The following SNTB1 variants were observed in gnomAD, a reference collection of about 807,000 sequenced individuals.
The protein encoded by SNTB1 is syntrophin beta 1.
In SNTB1, 36 loss-of-function variants were observed where a neutral mutation model predicts 48.9. That is an observed-to-expected ratio of 0.74 (90% CI 0.56 to 0.97). The LOEUF is 0.97. Among genes scored for constraint, SNTB1 ranks in the 50% least tolerant of loss-of-function variants. The pLI is 0.00. For synonymous variants in SNTB1, 299 were observed against 294.6 expected (o/e 1.01, Z -0.15); for missense variants, 786 against 703.4 (o/e 1.12, Z -1.33).
intron 3 of SNTB1, among the ~76,000 whole-genome samples, chr8:120,590,763 C>A (rs1347183959): frequency 1.3e-5 from 2 of 150,784 alleles, no homozygotes; most frequent in Middle Eastern, 3.2e-3. Context: ...TCACTGCAAC[C>A]TCCACCTCCT....
chr8:120,715,053 C>T (rs1318939828), intron 1 of SNTB1, among the ~76,000 whole-genome samples: 2 of 152,178 alleles, frequency 1.3e-5, no homozygotes, highest in African/African-American at 2.4e-5. Flanking sequence ...CCATCACAGT[C>T]GAATTCCCTT....
chr8:120,725,692 A>C (rs1301701949), intron 1 of SNTB1, among the ~76,000 whole-genome samples: 1 of 152,192 alleles, frequency 6.6e-6, no homozygotes, highest in African/African-American at 2.4e-5. Context: ...ACAACAGAGA[A>C]AGGACAGATT....
intron 1 of SNTB1, among the ~76,000 whole-genome samples, chr8:120,706,445 C>T (rs1026504409): frequency 6.6e-6 from 1 of 152,102 alleles, no homozygotes; most frequent in African/African-American, 2.4e-5. Context: ...ATTCAATACA[C>T]ACGAAAAGTA....
intron 2 of SNTB1, chr8:120,635,635 C>G (rs4614032): frequency 0.43 from 75,061 of 175,234 alleles, 17,499 homozygotes; most frequent in Middle Eastern, 0.55. Context: ...GCTTGTCTTG[C>G]TAGTTTCATC....
At chr8:120,565,030 A>G (rs550608002) in intron 4 of SNTB1, among the ~76,000 whole-genome samples, 11 of 152,276 alleles carry the variant, frequency 7.2e-5, no homozygotes, top group Admixed American at 3.9e-4. Context: ...AGCAAATCCA[A>G]TGGTCTTCCA....
chr8:120,702,845 G>A (rs913487566), intron 1 of SNTB1, among the ~76,000 whole-genome samples: 3 of 152,126 alleles, frequency 2.0e-5, no homozygotes, highest in Non-Finnish European at 4.4e-5. Flanking sequence ...ATGTAAGCTT[G>A]GGAAAATTTC....
intron 1 of SNTB1, among the ~76,000 whole-genome samples, chr8:120,772,023 C>G (rs1461532387): frequency 1.3e-5 from 2 of 152,088 alleles, no homozygotes; most frequent in Non-Finnish European, 2.9e-5. Context: ...GCATGTGCCA[C>G]CACACCCGGC....
chr8:120,748,175 C>T (rs1819157503), intron 1 of SNTB1, among the ~76,000 whole-genome samples: 1 of 152,174 alleles, frequency 6.6e-6, no homozygotes, highest in African/African-American at 2.4e-5. Context: ...TGACTCTACT[C>T]AAATAAGCTC....
At chr8:120,684,655 ATTT>A (rs1554652904) in intron 2 of SNTB1, among the ~76,000 whole-genome samples, 3 of 141,692 alleles carry the variant, frequency 2.1e-5, no homozygotes, top group African/African-American at 7.9e-5. Context: ...CAAAAATTGA[ATTT>A]TTTTTTTTTT....
At chr8:120,795,199 C>T (rs953610386) in intron 1 of SNTB1, among the ~76,000 whole-genome samples, 2 of 151,432 alleles carry the variant, frequency 1.3e-5, no homozygotes, top group Non-Finnish European at 2.9e-5. Context: ...TTAATTAGTT[C>T]AGTTGCATAG....
intron 3 of SNTB1, among the ~76,000 whole-genome samples, chr8:120,602,883 C>A (rs992079346): frequency 2.0e-4 from 31 of 151,702 alleles, no homozygotes; most frequent in African/African-American, 7.5e-4. Context: ...GTTTCAAAGT[C>A]ATTAAACTTT....
chr8:120,615,742 C>T (rs530474092), intron 3 of SNTB1, among the ~76,000 whole-genome samples: 3 of 152,120 alleles, frequency 2.0e-5, no homozygotes, highest in South Asian at 2.1e-4. Flanking sequence ...TAACATAAGC[C>T]AGTTTGAATC....
chr8:120,677,461 T>A (rs368146411), intron 2 of SNTB1, among the ~76,000 whole-genome samples: 51 of 152,340 alleles, frequency 3.3e-4, no homozygotes, highest in African/African-American at 1.1e-3. Flanking sequence ...GTATATAAAA[T>A]CATGATGTGG....
intron 2 of SNTB1, among the ~76,000 whole-genome samples, chr8:120,641,720 T>A (rs1350597937): frequency 2.0e-5 from 3 of 152,246 alleles, no homozygotes; most frequent in Admixed American, 6.5e-5. Flanking sequence ...GAGAATATAT[T>A]CGTGTCACTG....
At chr8:120,646,000 T>G (rs1817290784) in intron 2 of SNTB1, among the ~76,000 whole-genome samples, 1 of 150,892 alleles carries the variant, frequency 6.6e-6, no homozygotes, top group African/African-American at 2.4e-5. Context: ...CTTGTGATTT[T>G]TACACATTGA....
chr8:120,731,407 T>G (rs1044936251), intron 1 of SNTB1, among the ~76,000 whole-genome samples: 1 of 151,796 alleles, frequency 6.6e-6, no homozygotes, highest in Non-Finnish European at 1.5e-5. Context: ...TCAGAGAGAG[T>G]GAAAGATGTG....
At chr8:120,663,402 G>T (rs1587072031) in intron 2 of SNTB1, among the ~76,000 whole-genome samples, 1 of 152,182 alleles carries the variant, frequency 6.6e-6, no homozygotes, top group East Asian at 1.9e-4. Context: ...GAATGTGCAA[G>T]AAGTTCTTTT....
intron 1 of SNTB1, among the ~76,000 whole-genome samples, chr8:120,762,996 A>C (rs2130071707): frequency 6.6e-6 from 1 of 152,344 alleles, no homozygotes; most frequent in Non-Finnish European, 1.5e-5. Flanking sequence ...GGGGAAGCTG[A>C]GGCTCAGAGG....
chr8:120,696,880 A>G (rs989665903), intron 1 of SNTB1, among the ~76,000 whole-genome samples: 3 of 152,216 alleles, frequency 2.0e-5, no homozygotes, highest in African/African-American at 7.2e-5. Context: ...TGCAAATGAC[A>G]AGCTAATAGG....
Sources: gnomAD v4.1 joint callset for allele counts (sites outside exome capture counted in the v4.1 genomes callset) on GRCh38, gnomAD v4.1.1 for gene constraint, MANE v1.5 for transcripts, NCBI Gene and HGNC (gene_info 2026-07-23, HGNC 2026-07-21) for gene names.